The following ELF2 variants were observed in gnomAD, a reference collection of about 807,000 sequenced individuals.
ELF2 encodes E74 like ETS transcription factor 2, also known as ETS-related transcription factor Elf-2.
A neutral mutation model predicts 54.8 loss-of-function variants in ELF2; 11 were observed. The observed-to-expected ratio is 0.20, with a 90% CI of 0.13 to 0.33. The LOEUF is 0.33. ELF2 is among the 10% of genes least tolerant of loss of function. The pLI is 1.00. For missense variants in ELF2, 513 were observed against 703.0 expected, an observed-to-expected ratio of 0.73 and a Z score of 3.06; for synonymous variants, 203 against 245.1, an observed-to-expected ratio of 0.83 and a Z score of 1.61.
chr4:139,174,998 G>T (rs1742759465), intron 1 of ELF2, among the ~76,000 whole-genome samples: 1 of 152,200 alleles, frequency 6.6e-6, no homozygotes, highest in Non-Finnish European at 1.5e-5. Flanking sequence ...ATCCCCAACA[G>T]ATACCGATGG....
chr4:139,134,019 T>G (rs943467494), intron 3 of ELF2, among the ~76,000 whole-genome samples: 1 of 152,196 alleles, frequency 6.6e-6, no homozygotes, highest in African/African-American at 2.4e-5. Flanking sequence ...ATGTTGCCAG[T>G]GCAATGTTGA....
intron 1 of ELF2, among the ~76,000 whole-genome samples, chr4:139,155,971 A>G (rs1345978191): frequency 6.7e-6 from 1 of 150,192 alleles, no homozygotes; most frequent in Non-Finnish European, 1.5e-5. Flanking sequence ...TTAATCTGGA[A>G]GAGAACTTAC....
At chr4:139,151,023 C>CAAAA (rs79837347) in intron 1 of ELF2, among the ~76,000 whole-genome samples, 9 of 48,328 alleles carry the variant, frequency 1.9e-4, no homozygotes, top group African/African-American at 5.1e-4. Context: ...GGCTCCATCT[C>CAAAA]AAAAAAAAAA....
At chr4:139,135,422 C>G (rs1326837723) in intron 3 of ELF2, among the ~76,000 whole-genome samples, 1 of 152,012 alleles carries the variant, frequency 6.6e-6, no homozygotes, top group Non-Finnish European at 1.5e-5. Context: ...CAATTCTCTT[C>G]CCCTAGATAT....
intron 4 of ELF2, among the ~76,000 whole-genome samples, chr4:139,092,414 T>TAACAAAACAAACATA (rs70940488): frequency 6.8e-5 from 6 of 87,762 alleles, no homozygotes; most frequent in African/African-American, 1.3e-4. Flanking sequence ...TAACATAACA[T>TAACAAAACAAACATA]ACATAACATA....
At chr4:139,125,989 A>T (rs1736879129) in intron 3 of ELF2, among the ~76,000 whole-genome samples, 1 of 152,180 alleles carries the variant, frequency 6.6e-6, no homozygotes, top group African/African-American at 2.4e-5. Flanking sequence ...TAATAGGCAC[A>T]GTTGTTAGCA....
chr4:139,093,208 GCCCACCTCGGCCT>G (rs1691646638), intron 4 of ELF2, among the ~76,000 whole-genome samples: 1 of 151,408 alleles, frequency 6.6e-6, no homozygotes, highest in South Asian at 2.1e-4. Context: ...CTCGTGATCC[GCCCACCTCGGCCT>G]CCCAAAGTGC....
In ELF2 at chr4:139,058,812, T is replaced by C. The variant is rs1490991576; in HGVS notation, c.*171A>G. ...TGTCAGCATCTCAATATGTAGTTCATTTCCCACTGAAACATGGGATAGGTA... is the reference window on the plus strand; with the variant it reads ...TGTCAGCATCTCAATATGTAGTTCACTTCCCACTGAAACATGGGATAGGTA... On this transcript the variant is annotated 3_prime_UTR_variant, in exon 10 of 10. Transcript: ENST00000686138. 3 of 907,422 alleles carry C rather than the reference T, an allele frequency of 3.3e-6. No individual in the cohort carries two copies. The highest frequency in any genetic ancestry group is 4.8e-6 in the Non-Finnish European group (3 of 629,012). 56.2% of individuals were successfully genotyped at this position (907,422 alleles called of 1,614,324 possible). A position where few individuals can be genotyped will look rare whatever the true frequency, so the allele number is the denominator to read the frequency against.
intron 1 of ELF2, among the ~76,000 whole-genome samples, chr4:139,153,217 T>A (rs1740193119): frequency 6.6e-6 from 1 of 152,130 alleles, no homozygotes; most frequent in Non-Finnish European, 1.5e-5. Flanking sequence ...GGCAGATTGC[T>A]TGACCCCAAG....
chr4:139,065,774 A>AG, intron 7 of ELF2, among the ~76,000 whole-genome samples: 1 of 152,186 alleles, frequency 6.6e-6, no homozygotes, highest in Admixed American at 6.5e-5. Flanking sequence ...ATTCAAGTAT[A>AG]AGTGATACCA....
At chr4:139,084,438 G>GGGC (rs34769754) in intron 4 of ELF2, 133,042 of 1,112,252 alleles carry the variant, frequency 0.12, 6,858 homozygotes, top group Admixed American at 0.14. Flanking sequence ...GCAGGGGCAG[G>GGGC]GGCGGCGGCG....
intron 8 of ELF2, among the ~76,000 whole-genome samples, chr4:139,061,217 C>G (rs1037699565): frequency 7.3e-5 from 11 of 150,504 alleles, no homozygotes; most frequent in Non-Finnish European, 1.6e-4. Context: ...CTCTGTCACC[C>G]AGGCTGCAGT....
At chr4:139,139,289 G>A (rs1738481803) in intron 2 of ELF2, 124 bp downstream of exon 2, 2 of 443,244 alleles carry the variant, frequency 4.5e-6, no homozygotes, top group East Asian at 4.2e-5. Flanking sequence ...AACATAAAAT[G>A]GAACAGAAAG....
intron 3 of ELF2, among the ~76,000 whole-genome samples, chr4:139,133,156 C>T (rs1255426482): frequency 6.6e-5 from 10 of 152,044 alleles, no homozygotes; most frequent in Non-Finnish European, 1.5e-4. Flanking sequence ...CTCCTGACCT[C>T]GTGATCCGCC....
At chr4:139,164,302 T>C (rs1741504741) in intron 1 of ELF2, among the ~76,000 whole-genome samples, 1 of 152,014 alleles carries the variant, frequency 6.6e-6, no homozygotes, top group Non-Finnish European at 1.5e-5. Context: ...ACGATTAAGT[T>C]GGCTATAAAT....
chr4:139,094,818 T>C (rs1002515498), intron 4 of ELF2, among the ~76,000 whole-genome samples: 1 of 152,194 alleles, frequency 6.6e-6, no homozygotes, highest in Non-Finnish European at 1.5e-5. Flanking sequence ...TAGATTTATT[T>C]ATTTATCTTT....
At chr4:139,091,034 C>T (rs1000760235) in intron 4 of ELF2, among the ~76,000 whole-genome samples, 3 of 152,076 alleles carry the variant, frequency 2.0e-5, no homozygotes, top group South Asian at 2.1e-4. Context: ...TCCGGGTTCA[C>T]GCCATTCTCC....
chr4:139,150,036 A>C (rs1739707241), intron 1 of ELF2, among the ~76,000 whole-genome samples: 1 of 152,014 alleles, frequency 6.6e-6, no homozygotes, highest in Non-Finnish European at 1.5e-5. Flanking sequence ...CTCTATAAAA[A>C]ATATAAAAAT....
chr4:139,129,647 T>C, intron 3 of ELF2, among the ~76,000 whole-genome samples: 1 of 152,216 alleles, frequency 6.6e-6, no homozygotes, highest in East Asian at 1.9e-4. Flanking sequence ...GTCCCATGAC[T>C]TTATATGCAC....
Sources: gnomAD v4.1 joint callset for allele counts (sites outside exome capture counted in the v4.1 genomes callset) on GRCh38, gnomAD v4.1.1 for gene constraint, MANE v1.5 for transcripts, NCBI Gene and HGNC (gene_info 2026-07-23, HGNC 2026-07-21) for gene names.